Variants in CAMK1D observed in about 807,000 individuals in gnomAD.
CAMK1D encodes the protein calcium/calmodulin dependent protein kinase ID.
In CAMK1D, 9 loss-of-function variants were observed where a neutral mutation model predicts 47.7. The observed-to-expected ratio is 0.19, with a 90% CI of 0.11 to 0.33. The LOEUF is 0.33. CAMK1D is among the 10% of genes least tolerant of loss of function. CAMK1D has a pLI of 1.00. For synonymous variants in CAMK1D, 184 were observed against 184.9 expected (o/e 0.99, Z 0.04); for missense variants, 291 against 488.7 (o/e 0.60, Z 3.81).
intron 1 of CAMK1D, among the ~76,000 whole-genome samples, chr10:12,394,030 TCA>T (rs1838846517): frequency 6.6e-6 from 1 of 152,222 alleles, no homozygotes; most frequent in Non-Finnish European, 1.5e-5. Context: ...CAGACGCCAG[TCA>T]CAAGTCCTAG....
At chr10:12,777,365 T>TC (rs1411709458) in intron 5 of CAMK1D, among the ~76,000 whole-genome samples, 44 of 133,014 alleles carry the variant, frequency 3.3e-4, no homozygotes, top group African/African-American at 1.3e-3. Context: ...TGGTTGAACT[T>TC]TTTTTTTTTT....
Position 12,773,435 on chromosome 10 carries a change from T to C in CAMK1D, c.565+3636T>C, listed in dbSNP as rs145277432. Among the ~76,000 whole-genome samples the C allele has an allele frequency of 8.7e-4, 132 of 152,346 alleles. 2 individuals are homozygous for C. The East Asian group carries it at 0.021, about 24-fold the overall frequency. ...GCCTCTGTGTACTGTCCTTGCTAGA[T>C]TGCTTACAATACCTGATGCAATGTA... On this transcript the variant is annotated intron_variant, in intron 5 of 10. Coordinates refer to ENST00000619168, the MANE Select transcript of CAMK1D (RefSeq NM_153498.4).
chr10:12,384,832 A>C (rs1223608012), intron 1 of CAMK1D, among the ~76,000 whole-genome samples: 1 of 152,236 alleles, frequency 6.6e-6, no homozygotes, highest in Non-Finnish European at 1.5e-5. Context: ...AAAGGATACC[A>C]TCAAGACAGT....
intron 6 of CAMK1D, 38 bp from the exon 7 acceptor site, chr10:12,814,157 T>C: frequency 1.5e-6 from 2 of 1,305,550 alleles, no homozygotes; most frequent in Non-Finnish European, 2.2e-6. Flanking sequence ...ACACTGGTTA[T>C]GCAGATGTTC....
intron 1 of CAMK1D, among the ~76,000 whole-genome samples, chr10:12,456,107 T>C (rs1421107130): frequency 1.3e-5 from 2 of 152,202 alleles, no homozygotes; most frequent in African/African-American, 4.8e-5. Context: ...ATTTTCTCAT[T>C]ATAGATTCTC....
At chr10:12,734,379 GATAT>G (rs1261052658) in intron 3 of CAMK1D, among the ~76,000 whole-genome samples, 2 of 45,558 alleles carry the variant, frequency 4.4e-5, no homozygotes, top group African/African-American at 9.7e-5. Flanking sequence ...TATATATATA[GATAT>G]AGATATAGAT....
At chr10:12,423,338 A>AC (rs751176307) in intron 1 of CAMK1D, among the ~76,000 whole-genome samples, 5 of 152,004 alleles carry the variant, frequency 3.3e-5, no homozygotes, top group Non-Finnish European at 7.4e-5. Flanking sequence ...ACAAAGTGAG[A>AC]CCCCATCTCT....
chr10:12,383,128 A>G (rs1295892174), intron 1 of CAMK1D, among the ~76,000 whole-genome samples: 3 of 152,192 alleles, frequency 2.0e-5, no homozygotes, highest in African/African-American at 7.2e-5. Context: ...GCATCAAACC[A>G]CATAATCCAG....
chr10:12,381,219 T>C (rs1033070957), intron 1 of CAMK1D, among the ~76,000 whole-genome samples: 4 of 152,234 alleles, frequency 2.6e-5, no homozygotes, highest in African/African-American at 9.6e-5. Context: ...GTAGAATGAA[T>C]GCCGTTCCCT....
intron 5 of CAMK1D, among the ~76,000 whole-genome samples, chr10:12,790,173 A>G (rs1389735962): frequency 6.6e-6 from 1 of 152,268 alleles, no homozygotes; most frequent in Non-Finnish European, 1.5e-5. Context: ...CTCTTGATGA[A>G]GAGTGCTTTA....
At chr10:12,533,451 C>A (rs1208542501) in intron 1 of CAMK1D, among the ~76,000 whole-genome samples, 2 of 152,182 alleles carry the variant, frequency 1.3e-5, no homozygotes, top group East Asian at 1.9e-4. Context: ...ATGAGTTTAT[C>A]CTTTTAAAGG....
intron 1 of CAMK1D, among the ~76,000 whole-genome samples, chr10:12,493,650 C>T (rs925612745): frequency 2.0e-5 from 3 of 152,088 alleles, no homozygotes; most frequent in African/African-American, 4.8e-5. Context: ...TGTGCCACCA[C>T]GCCTGGCTAA....
At chr10:12,679,377 T>A (rs1236355530) in intron 3 of CAMK1D, among the ~76,000 whole-genome samples, 1 of 152,220 alleles carries the variant, frequency 6.6e-6, no homozygotes, top group African/African-American at 2.4e-5. Flanking sequence ...ATATATGTAA[T>A]GTCACAAAGT....
chr10:12,760,808 C>T (rs1345674819), intron 3 of CAMK1D, 140 bp from the exon 4 acceptor site: 20 of 858,354 alleles, frequency 2.3e-5, no homozygotes, highest in Non-Finnish European at 3.1e-5. Context: ...GCTATAGCCT[C>T]TGAGGAATAG....
At chr10:12,354,053 T>C (rs1166969568) in intron 1 of CAMK1D, among the ~76,000 whole-genome samples, 1 of 152,058 alleles carries the variant, frequency 6.6e-6, no homozygotes, top group Non-Finnish European at 1.5e-5. Context: ...GGCTGTGAAA[T>C]GTATGTGAAT....
chr10:12,676,643 T>G (rs1241276729), intron 3 of CAMK1D, among the ~76,000 whole-genome samples: 2 of 152,114 alleles, frequency 1.3e-5, no homozygotes, highest in African/African-American at 4.8e-5. Context: ...AGCAGAGAGG[T>G]TGGATCATTT....
chr10:12,445,938 A>G (rs1400064561), intron 1 of CAMK1D, among the ~76,000 whole-genome samples: 3 of 152,216 alleles, frequency 2.0e-5, no homozygotes, highest in Admixed American at 6.5e-5. Flanking sequence ...TTTTAGCCAT[A>G]ACAAATTTTG....
intron 2 of CAMK1D, among the ~76,000 whole-genome samples, chr10:12,561,172 C>T (rs981302928): frequency 6.3e-4 from 96 of 152,232 alleles, no homozygotes; most frequent in Middle Eastern, 3.4e-3. Context: ...CTGCCTTGGC[C>T]TCCCAAAGTG....
At chr10:12,563,274 G>A (rs1837001351) in intron 2 of CAMK1D, among the ~76,000 whole-genome samples, 1 of 152,176 alleles carries the variant, frequency 6.6e-6, no homozygotes, top group African/African-American at 2.4e-5. Context: ...AAGATCACTT[G>A]AGTCCAGGAG....
Sources: gnomAD v4.1 joint callset for allele counts (sites outside exome capture counted in the v4.1 genomes callset) on GRCh38, gnomAD v4.1.1 for gene constraint, MANE v1.5 for transcripts, NCBI Gene and HGNC (gene_info 2026-07-23, HGNC 2026-07-21) for gene names.